SDHAF3: variants seen among roughly 807,000 people sequenced by gnomAD.
SDHAF3 encodes the protein succinate dehydrogenase complex assembly factor 3.
In SDHAF3, 18 loss-of-function variants were observed where a neutral mutation model predicts 11.5. The observed-to-expected ratio is 1.56, with a 90% CI of 1.08 to 2.32. The LOEUF is 2.32. Ranked by LOEUF, SDHAF3 falls within the 30% of genes most tolerant of loss-of-function variation. The probability of loss-of-function intolerance (pLI) is 0.00; values close to 1 mark genes in which losing one functional copy is unlikely to be tolerated. For synonymous variants in SDHAF3, 72 were observed against 59.3 expected (o/e 1.21, Z -0.99); for missense variants, 200 against 154.4 (o/e 1.30, Z -1.57).
intron 1 of SDHAF3, among the ~76,000 whole-genome samples, chr7:97,154,810 C>T (rs1011578966): frequency 6.6e-6 from 1 of 152,042 alleles, no homozygotes; most frequent in Non-Finnish European, 1.5e-5. Context: ...ATTAACTTTT[C>T]CATATGATTT....
chr7:97,165,864 C>T (rs1430956681), intron 1 of SDHAF3, among the ~76,000 whole-genome samples: 1 of 152,044 alleles, frequency 6.6e-6, no homozygotes, highest in Non-Finnish European at 1.5e-5. Flanking sequence ...GTATCAATGC[C>T]TGGTATTGCT....
At chr7:97,135,011 C>T (rs1039967651) in intron 1 of SDHAF3, 1 of 151,942 alleles carries the variant, frequency 6.6e-6, no homozygotes, top group East Asian at 1.9e-4. Flanking sequence ...CTTCATACCC[C>T]CTTCCTTTAA....
chr7:97,126,113 G>A (rs1275107775), intron 1 of SDHAF3, among the ~76,000 whole-genome samples: 2 of 152,146 alleles, frequency 1.3e-5, no homozygotes, highest in African/African-American at 4.8e-5. Context: ...TATTTGCCTG[G>A]GTATTACCAG....
intron 1 of SDHAF3, among the ~76,000 whole-genome samples, chr7:97,126,496 G>A (rs1791579484): frequency 6.6e-6 from 1 of 152,144 alleles, no homozygotes; most frequent in East Asian, 1.9e-4. Context: ...TGCTGCCTTT[G>A]TTTCAGAGAT....
intron 1 of SDHAF3, among the ~76,000 whole-genome samples, chr7:97,179,437 G>T (rs1789736283): frequency 2.7e-5 from 4 of 149,786 alleles, no homozygotes; most frequent in Admixed American, 2.7e-4. Flanking sequence ...GTAAATTTCA[G>T]TGTATTTGAC....
chr7:97,162,278 G>C (rs1789426020), intron 1 of SDHAF3, among the ~76,000 whole-genome samples: 1 of 151,976 alleles, frequency 6.6e-6, no homozygotes, highest in Non-Finnish European at 1.5e-5. Flanking sequence ...TGATGGGGTT[G>C]TTTTTTTCTT....
intron 1 of SDHAF3, among the ~76,000 whole-genome samples, chr7:97,150,036 C>A (rs183467631): frequency 6.6e-6 from 1 of 152,350 alleles, no homozygotes; most frequent in African/African-American, 2.4e-5. Flanking sequence ...AAATCACTTT[C>A]TTTGCTCATC....
intron 1 of SDHAF3, among the ~76,000 whole-genome samples, chr7:97,120,913 CA>C (rs1456009987): frequency 3.9e-5 from 6 of 152,146 alleles, no homozygotes; most frequent in African/African-American, 1.4e-4. Flanking sequence ...AGAGAGAATT[CA>C]GCTGGGGGAA....
intron 1 of SDHAF3, among the ~76,000 whole-genome samples, chr7:97,139,479 G>A (rs1788994680): frequency 6.6e-6 from 1 of 152,210 alleles, no homozygotes; most frequent in Admixed American, 6.5e-5. Context: ...AGGGAAGGGT[G>A]TATATATGTA....
At chr7:97,127,019 C>T (rs1481003705) in intron 1 of SDHAF3, among the ~76,000 whole-genome samples, 1 of 152,148 alleles carries the variant, frequency 6.6e-6, no homozygotes, top group African/African-American at 2.4e-5. Flanking sequence ...CACAGTCCCT[C>T]ATGGCTTCCC....
intron 1 of SDHAF3, among the ~76,000 whole-genome samples, chr7:97,177,426 C>G (rs138672586): frequency 1.3e-5 from 2 of 151,830 alleles, no homozygotes; most frequent in African/African-American, 2.4e-5. Flanking sequence ...TGTGTGAACC[C>G]GGGAGGCACA....
chr7:97,145,366 G>A lies in SDHAF3; in HGVS notation c.174+27469G>A, dbSNP rs576040020. Among the ~76,000 whole-genome samples the A allele has an allele frequency of 2.6e-5, 4 of 152,170 alleles. No individual in the cohort carries two copies. The South Asian group carries it at 8.3e-4, about 32-fold the overall frequency. The stretch of plus-strand genomic sequence containing the variant: ...AGTACATTTCATATTTGAATTGTCT[G>A]TTACAGATTTGTTGCCACTTTAACT... On this transcript the variant is annotated intron_variant, in intron 1 of 1. Coordinates refer to ENST00000432641, the MANE Select transcript of SDHAF3 (RefSeq NM_020186.3).
intron 1 of SDHAF3, among the ~76,000 whole-genome samples, chr7:97,134,839 A>G (rs1791725535): frequency 6.6e-6 from 1 of 152,238 alleles, no homozygotes; most frequent in African/African-American, 2.4e-5. Flanking sequence ...TTTAATGCAC[A>G]TACTTAAGAT....
chr7:97,162,214 C>T (rs961973985), intron 1 of SDHAF3, among the ~76,000 whole-genome samples: 20 of 152,060 alleles, frequency 1.3e-4, no homozygotes, highest in South Asian at 6.2e-4. Flanking sequence ...ATATGTTGGC[C>T]GCATAAATGT....
intron 1 of SDHAF3, among the ~76,000 whole-genome samples, chr7:97,166,102 T>C (rs769293806): frequency 6.6e-6 from 1 of 152,222 alleles, no homozygotes; most frequent in East Asian, 1.9e-4. Flanking sequence ...ATAGAATATA[T>C]GGCTGCTGAT....
At chr7:97,127,032 G>C (rs1791588153) in intron 1 of SDHAF3, among the ~76,000 whole-genome samples, 2 of 152,092 alleles carry the variant, frequency 1.3e-5, no homozygotes, top group South Asian at 4.1e-4. Flanking sequence ...GGCTTCCCTT[G>C]GCTGGGAAAG....
rs574580602 is a variant in SDHAF3, at chr7:97,160,024, A to G, written c.175-20988A>G. On this transcript the variant is annotated intron_variant, in intron 1 of 1. Coordinates refer to ENST00000432641, the MANE Select transcript of SDHAF3 (RefSeq NM_020186.3). Reference sequence around the variant, plus strand: ...ACAAGGATTTGTTAACAATAGGCCAATGGCCACCCTTCGTCTGGGAGGTGA... The same window carrying G: ...ACAAGGATTTGTTAACAATAGGCCAGTGGCCACCCTTCGTCTGGGAGGTGA... Among the ~76,000 whole-genome samples the G allele has an allele frequency of 1.5e-4, 23 of 152,324 alleles. 1 individual carries two copies. Among genetic ancestry groups the G allele is most frequent in the Non-Finnish European group, 2.4e-4 (16 of 68,030 alleles).
At chr7:97,154,176 G>A (rs1459482893) in intron 1 of SDHAF3, among the ~76,000 whole-genome samples, 1 of 139,356 alleles carries the variant, frequency 7.2e-6, no homozygotes, top group Non-Finnish European at 1.5e-5. Flanking sequence ...TTAAGGGTGG[G>A]GGAGATTACA....
rs1434809903 is a variant in SDHAF3 at position 97,181,578 on chromosome 7, A to AT, written c.*369dup. Reference sequence around the variant, plus strand: ...GATGTACAATTCCAACAAGGTTATTATTTTTTAAATACATTGTCATTCTGA... The same window carrying AT: ...GATGTACAATTCCAACAAGGTTATTATTTTTTTAAATACATTGTCATTCTGA... On this transcript the variant is annotated 3_prime_UTR_variant, in exon 2 of 2. Coordinates refer to ENST00000432641, the MANE Select transcript of SDHAF3 (RefSeq NM_020186.3). 6.1e-6 allele frequency: 1 copy of AT among 162,956 alleles called. No homozygotes were observed. Among genetic ancestry groups the AT allele is most frequent in the Non-Finnish European group, 1.3e-5 (1 of 74,602 alleles). 10.1% of individuals were successfully genotyped at this position (162,956 alleles called of 1,614,324 possible). A position where few individuals can be genotyped will look rare whatever the true frequency, so the allele number is the denominator to read the frequency against.
Sources: gnomAD v4.1 joint callset for allele counts (sites outside exome capture counted in the v4.1 genomes callset) on GRCh38, gnomAD v4.1.1 for gene constraint, MANE v1.5 for transcripts, NCBI Gene and HGNC (gene_info 2026-07-23, HGNC 2026-07-21) for gene names.